Variants in RIOK2 observed in about 807,000 individuals in gnomAD.
RIOK2 encodes RIO kinase 2.
A neutral mutation model predicts 62.4 loss-of-function variants in RIOK2; 46 were observed. The ratio of observed to expected loss-of-function variants is 0.74; its 90% CI spans 0.58 to 0.94. The LOEUF (loss-of-function observed/expected upper bound fraction) is 0.94, where lower values mean the gene tolerates loss of function less well. Ranked by LOEUF, RIOK2 falls within the 40% of genes least tolerant of loss-of-function variation. The pLI, the probability that RIOK2 is intolerant of heterozygous loss-of-function variation, is 0.00. For synonymous variants in RIOK2, 197 were observed against 216.0 expected (o/e 0.91, Z 0.77); for missense variants, 574 against 658.0 (o/e 0.87, Z 1.40).
chr5:97,173,363 A>G, intron 4 of RIOK2, 100 bp from the exon 5 acceptor site: 1 of 721,674 alleles, frequency 1.4e-6, no homozygotes, highest in East Asian at 2.9e-5. Flanking sequence ...AAAAAAACAC[A>G]CAAACCTTTA....
At chr5:97,168,296 C>A (rs1046605158) in intron 7 of RIOK2, among the ~76,000 whole-genome samples, 1 of 152,120 alleles carries the variant, frequency 6.6e-6, no homozygotes, top group Non-Finnish European at 1.5e-5. Context: ...CTAAGGATTT[C>A]CTTCAGATTA....
intron 5 of RIOK2, among the ~76,000 whole-genome samples, chr5:97,171,826 G>C (rs532543025): frequency 6.6e-6 from 1 of 152,258 alleles, no homozygotes; most frequent in Non-Finnish European, 1.5e-5. Context: ...ATAATAGCAT[G>C]TACGGGCCAG....
rs1374239078 is a variant in RIOK2, at chr5:97,162,327, G to A, written c.*734C>T. 1 of 152,142 alleles carries A rather than the reference G, an allele frequency of 6.6e-6. No individual in the cohort carries two copies. Among genetic ancestry groups the A allele is most frequent in the Non-Finnish European group, 1.5e-5 (1 of 68,048 alleles). 9.4% of individuals were successfully genotyped at this position (152,142 alleles called of 1,614,324 possible). On this transcript the variant is annotated 3_prime_UTR_variant, in exon 10 of 10. Coordinates refer to ENST00000283109, the MANE Select transcript of RIOK2 (RefSeq NM_018343.3). ...TGCATTAGGTATTTGTTAACCTTGAGGTGAGAACATGTTCCGGACCCACTT... is the reference window on the plus strand; with the variant it reads ...TGCATTAGGTATTTGTTAACCTTGAAGTGAGAACATGTTCCGGACCCACTT...
chr5:97,167,510 G>A lies in RIOK2; in HGVS notation c.1354C>T (p.Leu452=), dbSNP rs764192300. The A allele has an allele frequency of 1.2e-6, 2 of 1,614,036 alleles. No individual in the cohort carries two copies. The highest frequency in any genetic ancestry group is 1.3e-5 in the African/African-American group (1 of 74,940). ...CTATTTAATGACGACAAGGCAATTA[G>A]ATGAGGGCATTCATCTTCATACTCG... The part of the protein sequence containing the change: ...SDEYEDECPH[L]IALSSLNREF... Residue 452 remains leucine (L), a synonymous_variant, in exon 8 of 10, where the codon CTA becomes TTA. Transcript: ENST00000283109.
At position 97,172,802 on chromosome 5, in the gene RIOK2, A is replaced by C. The variant is rs201116227; in HGVS notation, c.587+373T>G. On this transcript the variant is annotated intron_variant, in intron 5 of 9. Coordinates refer to ENST00000283109, the MANE Select transcript of RIOK2 (RefSeq NM_018343.3). The stretch of plus-strand genomic sequence containing the variant: ...CCCGTTAGTACTTCCTATCTCCCTT[A>C]CTCTGCTTTTTTTTATCCATAGTAC... 4.0e-5 allele frequency among the ~76,000 whole-genome samples: 6 copies of C among 151,802 alleles called. No homozygotes were observed. The East Asian group carries it at 1.2e-3, about 29-fold the overall frequency.
intron 3 of RIOK2, 56 bp downstream of exon 3, chr5:97,177,676 G>A: frequency 9.2e-7 from 1 of 1,089,144 alleles, no homozygotes; most frequent in Admixed American, 2.4e-5. Flanking sequence ...GGTTTCTGAA[G>A]GGAAAACATA....
At position 97,161,858 on chromosome 5, in the gene RIOK2, C is replaced by A. The variant is rs529053628; in HGVS notation, c.*1203G>T. The stretch of plus-strand genomic sequence containing the variant: ...GTTGAGAGATTATACAAAATGAATA[C>A]CTGAATTCAAAGATATATCTAAAAT... On this transcript the variant is annotated 3_prime_UTR_variant, in exon 10 of 10. Transcript: ENST00000283109. The A allele has an allele frequency of 2.0e-5, 3 of 152,200 alleles. No individual in the cohort carries two copies. The highest frequency in any genetic ancestry group is 6.5e-5 in the Admixed American group (1 of 15,284). The allele number at this position is 152,200 out of a possible 1,614,324, so 9.4% of individuals were successfully genotyped here. A position where few individuals can be genotyped will look rare whatever the true frequency, so the allele number is the denominator to read the frequency against.
chr5:97,168,745 A>C lies in RIOK2; in HGVS notation c.872+15T>G. 1 of 1,452,460 alleles carries C rather than the reference A, an allele frequency of 6.9e-7. No homozygotes were observed. The highest frequency in any genetic ancestry group is 9.5e-7 in the Non-Finnish European group (1 of 1,057,376). The allele number at this position is 1,452,460 out of a possible 1,614,324, so 90.0% of individuals were successfully genotyped here. ...TTAAACTGTTCTATTATGTAAAGCAATGGGGAGTACAAACCTGATATCCTT... is the reference window on the plus strand; with the variant it reads ...TTAAACTGTTCTATTATGTAAAGCACTGGGGAGTACAAACCTGATATCCTT... On this transcript the variant is annotated intron_variant, in intron 7 of 9. Transcript: ENST00000283109.
intron 1 of RIOK2, among the ~76,000 whole-genome samples, chr5:97,180,080 C>CAT (rs74195374): frequency 0.54 from 34,579 of 64,270 alleles, 9,893 homozygotes; most frequent in Middle Eastern, 0.69. Context: ...GTAAAAAGCA[C>CAT]ATATATATAT....
Position 97,161,975 on chromosome 5 carries a change from T to G in RIOK2, c.*1086A>C. 1 of 152,170 alleles carries G rather than the reference T, an allele frequency of 6.6e-6. No individual in the cohort carries two copies. Among genetic ancestry groups the G allele is most frequent in the East Asian group, 1.9e-4 (1 of 5,192 alleles). 9.4% of individuals were successfully genotyped at this position (152,170 alleles called of 1,614,324 possible). ...CTAGCTTCTATATATTTAAGCCAAT[T>G]TATTAGATAATTACAGGTCTTGCAA... On this transcript the variant is annotated 3_prime_UTR_variant, in exon 10 of 10. Transcript: ENST00000283109.
At chr5:97,169,730 T>C (rs866091950) in intron 6 of RIOK2, among the ~76,000 whole-genome samples, 9 of 152,336 alleles carry the variant, frequency 5.9e-5, no homozygotes, top group South Asian at 4.1e-4. Flanking sequence ...GGGTTATTTA[T>C]ATCTCAATCT....
At chr5:97,167,001 C>G (rs1748860908) in intron 8 of RIOK2, 1 of 548,546 alleles carries the variant, frequency 1.8e-6, no homozygotes, top group Admixed American at 5.7e-5. Flanking sequence ...ACTGCAACCT[C>G]TGCCTCCCAG....
Position 97,163,152 on chromosome 5 carries a change from T to C in RIOK2, c.1568A>G (p.Lys523Arg). Residue 523 changes from lysine (K) to arginine (R), a missense_variant, in exon 10 of 10, where the codon AAA (lysine) becomes AGA (arginine). Physicochemically the swap from Lys to Arg is conservative, Grantham distance 26. Coordinates refer to ENST00000283109, the MANE Select transcript of RIOK2 (RefSeq NM_018343.3). ...CTTGGTAAATATATTTGCTTCTCCT[T>C]TCTGCAATCGACGTCTGACAGCTGA... Reference protein sequence around the residue: ...QKSAVRRRLQKGEANIFTKQR... With the variant: ...QKSAVRRRLQRGEANIFTKQR... The C allele has an allele frequency of 6.2e-7, 1 of 1,613,752 alleles. No homozygotes were observed. Among genetic ancestry groups the C allele is most frequent in the South Asian group, 1.1e-5 (1 of 91,078 alleles).
chr5:97,162,936 T>C lies in RIOK2; in HGVS notation c.*125A>G. 3.8e-6 allele frequency: 3 copies of C among 797,736 alleles called. No individual in the cohort carries two copies. Among genetic ancestry groups the C allele is most frequent in the East Asian group, 2.7e-5 (1 of 36,546 alleles). The allele number at this position is 797,736 out of a possible 1,614,324, so 49.4% of individuals were successfully genotyped here. A position where few individuals can be genotyped will look rare whatever the true frequency, so the allele number is the denominator to read the frequency against. ...GACACATACTGAATGACCAAATTTA[T>C]AGATGAAAGAGGGTTTATTTATTAA... is the stretch of plus-strand genomic sequence containing the variant. On this transcript the variant is annotated 3_prime_UTR_variant, in exon 10 of 10. Coordinates refer to ENST00000283109, the MANE Select transcript of RIOK2 (RefSeq NM_018343.3).
chr5:97,178,370 T>C (rs1339593168), intron 2 of RIOK2, among the ~76,000 whole-genome samples: 1 of 151,504 alleles, frequency 6.6e-6, no homozygotes, highest in South Asian at 2.1e-4. Context: ...AGTACCTACA[T>C]GCTCTTCTGC....
rs911081631 is a variant in RIOK2, at chr5:97,162,412, C to G, written c.*649G>C. 1 of 152,360 alleles carries G rather than the reference C, an allele frequency of 6.6e-6. No individual in the cohort carries two copies. Among genetic ancestry groups the G allele is most frequent in the Non-Finnish European group, 1.5e-5 (1 of 68,200 alleles). 9.4% of individuals were successfully genotyped at this position (152,360 alleles called of 1,614,324 possible). On this transcript the variant is annotated 3_prime_UTR_variant, in exon 10 of 10. Transcript: ENST00000283109. ...CTCATTCTACTCCACCTTCCCCAAC[C>G]CCTAACTCTTCTGCTACTCAGGCCT...
chr5:97,180,212 A>G (rs574968145), intron 1 of RIOK2, among the ~76,000 whole-genome samples: 41 of 143,084 alleles, frequency 2.9e-4, no homozygotes, highest in Non-Finnish European at 5.1e-4. Context: ...ATTTTAAAAA[A>G]TGGTATACAT....
In RIOK2 at chr5:97,177,808, G is replaced by A. The variant is rs756146703; in HGVS notation, c.246C>T (p.Tyr82=). The change falls in exon 3 of 10, where the codon TAC becomes TAT. Residue 82 remains tyrosine, a synonymous_variant. Coordinates refer to ENST00000283109, the MANE Select transcript of RIOK2 (RefSeq NM_018343.3). ...GYRLTNAGYD[Y]LALKTLSSRQ... ...TAGAAGAAAGTGTTTTCAAAGCTAG[G>A]TAATCATATCCTGCATTTGTCAACC... 2 of 1,613,400 alleles carry A rather than the reference G, an allele frequency of 1.2e-6. No individual in the cohort carries two copies. Among genetic ancestry groups the A allele is most frequent in the African/African-American group, 2.7e-5 (2 of 74,912 alleles).
chr5:97,170,823 A>G (rs930238499), intron 6 of RIOK2, among the ~76,000 whole-genome samples: 1 of 152,138 alleles, frequency 6.6e-6, no homozygotes, highest in Non-Finnish European at 1.5e-5. Flanking sequence ...AAAAATGATT[A>G]TATTCTAAAC....
Sources: gnomAD v4.1 joint callset for allele counts (sites outside exome capture counted in the v4.1 genomes callset) on GRCh38, gnomAD v4.1.1 for gene constraint, MANE v1.5 for transcripts, NCBI Gene and HGNC (gene_info 2026-07-23, HGNC 2026-07-21) for gene names.